The following NPY5R variants were observed in gnomAD, a reference collection of about 807,000 sequenced individuals.
NPY5R encodes neuropeptide Y receptor Y5, also known as neuropeptide Y receptor type 5.
In NPY5R, 21 loss-of-function variants were observed where a neutral mutation model predicts 24.8. That is an observed-to-expected ratio of 0.85 (90% CI 0.60 to 1.22). NPY5R has a LOEUF of 1.22. Among genes scored for constraint, NPY5R ranks in the 50% most tolerant of loss-of-function variants. NPY5R has a pLI of 0.00. For synonymous variants in NPY5R, 175 were observed against 183.0 expected, an observed-to-expected ratio of 0.96 and a Z score of 0.35; for missense variants, 481 against 521.3, an observed-to-expected ratio of 0.92 and a Z score of 0.75.
intron 3 of NPY5R, among the ~76,000 whole-genome samples, chr4:163,348,204 A>T (rs1735329319): frequency 6.6e-6 from 1 of 152,260 alleles, no homozygotes; most frequent in Admixed American, 6.5e-5. Flanking sequence ...GTAGATAAAC[A>T]TATATTGATA....
At chr4:163,348,636 C>T (rs960368784) in intron 3 of NPY5R, among the ~76,000 whole-genome samples, 1 of 150,616 alleles carries the variant, frequency 6.6e-6, no homozygotes, top group Non-Finnish European at 1.5e-5. Context: ...CAGAATGAGA[C>T]CCTTTTTCTA....
chr4:163,344,873 G>T (rs1009832720), intron 1 of NPY5R: 2 of 152,218 alleles, frequency 1.3e-5, no homozygotes, highest in African/African-American at 2.4e-5. Flanking sequence ...AAACTCTGCT[G>T]TTAGAATTTG....
intron 1 of NPY5R, chr4:163,344,927 A>G (rs1172982690): frequency 6.6e-6 from 1 of 152,216 alleles, no homozygotes; most frequent in Non-Finnish European, 1.5e-5. Context: ...AGCTGAGCAG[A>G]GCTGTATTTA....
chr4:163,345,862 G>A (rs1458931847), intron 2 of NPY5R, 109 bp downstream of exon 2: 1 of 151,982 alleles, frequency 6.6e-6, no homozygotes, highest in Non-Finnish European at 1.5e-5. Flanking sequence ...TTTTCCTAAT[G>A]TTTAAACTAT....
intron 2 of NPY5R, among the ~76,000 whole-genome samples, chr4:163,347,160 A>G (rs1735287743): frequency 1.3e-5 from 2 of 152,208 alleles, no homozygotes; most frequent in Admixed American, 1.3e-4. Context: ...AGCATCCACT[A>G]TGTGTAATAT....
intron 3 of NPY5R, 21 bp from the exon 4 acceptor site, chr4:163,350,244 A>G: frequency 6.6e-7 from 1 of 1,508,888 alleles, no homozygotes; most frequent in Non-Finnish European, 8.9e-7. Context: ...TTGCTGACAA[A>G]TGTCTTTTTA....
Position 163,351,135 on chromosome 4 carries a change from A to T in NPY5R, c.862A>T (p.Arg288Ter). 6.2e-7 allele frequency: 1 copy of T among 1,614,176 alleles called. No homozygotes were observed. The highest frequency in any genetic ancestry group is 8.5e-7 in the Non-Finnish European group (1 of 1,180,022). ...TTCATTCATCAAAAAACACAGAAGA[A>T]GATATAGCAAGAAGACAGCATGTGT... ...SYSFIKKHRR[R>*]YSKKTACVLP... Residue 288 changes from arginine to a stop codon, truncating the protein, a stop_gained, in exon 4 of 4, where the codon AGA becomes TGA. Coordinates refer to ENST00000338566, the MANE Select transcript of NPY5R (RefSeq NM_006174.4). LOFTEE classifies it high-confidence loss of function.
intron 2 of NPY5R, among the ~76,000 whole-genome samples, chr4:163,346,284 A>G (rs534062198): frequency 6.6e-6 from 1 of 152,346 alleles, no homozygotes; most frequent in East Asian, 1.9e-4. Flanking sequence ...ATATATTACT[A>G]TCAGTCAGGA....
Position 163,350,637 on chromosome 4 carries a change from T to G in NPY5R, c.364T>G (p.Cys122Gly), listed in dbSNP as rs138294096. ...GTGCCATATTATGCCTTTTCTTCAA[T>G]GTGTGTCAGTTTTGGTTTCAACTTT... ...VMCHIMPFLQ[C>G]VSVLVSTLIL... is the part of the protein sequence containing the mutation. Residue 122 changes from cysteine (C) to glycine (G), a missense_variant, in exon 4 of 4, where the codon TGT becomes GGT. Coordinates refer to ENST00000338566, the MANE Select transcript of NPY5R (RefSeq NM_006174.4). 3 of 1,614,042 alleles carry G rather than the reference T, an allele frequency of 1.9e-6. No individual in the cohort carries two copies. The African/African-American group carries it at 4.0e-5, about 22-fold the overall frequency.
rs765566769 is a variant in NPY5R at position 163,350,600 on chromosome 4, TG to T, written c.329del (p.Gly110AlafsTer21). The part of the protein sequence containing the change: ...TSVLLDQWMF[G>X]KVMCHIMPFL... ...CTGTCTTGCTGGATCAGTGGATGTTTGGCAAAGTCATGTGCCATATTATGCC... is the reference window on the plus strand; with the variant it reads ...CTGTCTTGCTGGATCAGTGGATGTTTGCAAAGTCATGTGCCATATTATGCC... On this transcript the variant is annotated frameshift_variant, in exon 4 of 4. Transcript: ENST00000338566. LOFTEE classifies it high-confidence loss of function. 1 of 1,614,238 alleles carries T rather than the reference TG, an allele frequency of 6.2e-7. No individual in the cohort carries two copies. Among genetic ancestry groups the T allele is most frequent in the South Asian group, 1.1e-5 (1 of 91,086 alleles).
intron 2 of NPY5R, among the ~76,000 whole-genome samples, chr4:163,346,555 T>A (rs1735262137): frequency 6.6e-6 from 1 of 152,180 alleles, no homozygotes; most frequent in African/African-American, 2.4e-5. Flanking sequence ...GCCTACCCTT[T>A]AAAATTATAT....
Position 163,351,224 on chromosome 4 carries a change from C to A in NPY5R, c.951C>A (p.Gly317=). Residue 317 remains glycine, a synonymous_variant, in exon 4 of 4, where the codon GGC becomes GGA. Coordinates refer to ENST00000338566, the MANE Select transcript of NPY5R (RefSeq NM_006174.4). The part of the protein sequence containing the change: ...NHSRILPENF[G]SVRSQLSSSS... Reference sequence around the variant, plus strand: ...CCAGAATACTTCCAGAAAACTTTGGCTCTGTAAGAAGTCAGCTCTCTTCAT... The same window carrying A: ...CCAGAATACTTCCAGAAAACTTTGGATCTGTAAGAAGTCAGCTCTCTTCAT... 1 of 1,614,138 alleles carries A rather than the reference C, an allele frequency of 6.2e-7. No individual in the cohort carries two copies. Among genetic ancestry groups the A allele is most frequent in the Non-Finnish European group, 8.5e-7 (1 of 1,180,002 alleles).
At chr4:163,346,661 G>A (rs902458605) in intron 2 of NPY5R, among the ~76,000 whole-genome samples, 22 of 151,956 alleles carry the variant, frequency 1.4e-4, no homozygotes, top group African/African-American at 5.1e-4. Context: ...ACTCAAGATG[G>A]CATTTATTTC....
intron 1 of NPY5R, chr4:163,344,383 G>C (rs1735121346): frequency 6.6e-6 from 1 of 152,338 alleles, no homozygotes; most frequent in South Asian, 2.1e-4. Flanking sequence ...GATGGGGCGG[G>C]GGATGGACAA....
chr4:163,351,594 C>T lies in NPY5R; in HGVS notation c.1321C>T (p.His441Tyr), dbSNP rs761149591. 19 of 1,604,278 alleles carry T rather than the reference C, an allele frequency of 1.2e-5. No homozygotes were observed. In the South Asian group the frequency reaches 1.4e-4, roughly 12 times the overall value. Reference sequence around the variant, plus strand: ...TAAAGCTGATTTAGTGTCCCTTATACACTGTCTTCATATGTAATAATTCTC... The same window carrying T: ...TAAAGCTGATTTAGTGTCCCTTATATACTGTCTTCATATGTAATAATTCTC... ...GIKADLVSLI[H>Y]CLHM is the part of the protein sequence containing the mutation. The change falls in exon 4 of 4, where the codon CAC (histidine) becomes TAC (tyrosine). Residue 441 changes from histidine to tyrosine, a missense_variant. By Grantham distance (83) the His-to-Tyr change is moderately conservative (BLOSUM62 2). Transcript: ENST00000338566.
At chr4:163,352,327 T>C (rs545787794), downstream of NPY5R, among the ~76,000 whole-genome samples, 3 of 152,316 alleles carry the variant, frequency 2.0e-5, no homozygotes, top group East Asian at 5.8e-4. Flanking sequence ...GTTGTTTTCA[T>C]ATACATCTTT....
intron 1 of NPY5R, chr4:163,345,375 T>C (rs768247542): frequency 7.9e-5 from 12 of 152,188 alleles, no homozygotes; most frequent in Non-Finnish European, 1.6e-4. Flanking sequence ...TAAGTTGCCA[T>C]AGTTTAATAA....
chr4:163,350,669 A>C lies in NPY5R; in HGVS notation c.396A>C (p.Leu132Phe). ...CVSVLVSTLI[L>F]ISIAIVRYHM... The stretch of plus-strand genomic sequence containing the variant: ...CAGTTTTGGTTTCAACTTTAATTTT[A>C]ATATCAATTGCCATTGTCAGGTATC... The change falls in exon 4 of 4, where the codon TTA (leucine) becomes TTC (phenylalanine). Residue 132 changes from leucine to phenylalanine, a missense_variant. Coordinates refer to ENST00000338566, the MANE Select transcript of NPY5R (RefSeq NM_006174.4). The C allele has an allele frequency of 6.2e-7, 1 of 1,613,978 alleles. No homozygotes were observed. Among genetic ancestry groups the C allele is most frequent in the Non-Finnish European group, 8.5e-7 (1 of 1,179,950 alleles).
chr4:163,344,938 T>C (rs1735163446), intron 1 of NPY5R: 1 of 152,226 alleles, frequency 6.6e-6, no homozygotes, highest in South Asian at 2.1e-4. Flanking sequence ...GCTGTATTTA[T>C]CTTTCCAATT....
Sources: gnomAD v4.1 joint callset for allele counts (sites outside exome capture counted in the v4.1 genomes callset) on GRCh38, gnomAD v4.1.1 for gene constraint, MANE v1.5 for transcripts, NCBI Gene and HGNC (gene_info 2026-07-23, HGNC 2026-07-21) for gene names.